Variants in SAMD4A observed in about 807,000 individuals in gnomAD.
SAMD4A encodes sterile alpha motif domain containing 4A, also known as protein Smaug homolog 1.
A neutral mutation model predicts 81.3 loss-of-function variants in SAMD4A; 33 were observed. That is an observed-to-expected ratio of 0.41 (90% confidence interval 0.31 to 0.54). SAMD4A has a LOEUF of 0.54. SAMD4A is among the 20% of genes least tolerant of loss of function. The pLI is 0.37. For missense variants in SAMD4A, 854 were observed against 951.1 expected (o/e 0.90, Z 1.34); for synonymous variants, 389 against 382.1 (o/e 1.02, Z -0.21).
intron 2 of SAMD4A, among the ~76,000 whole-genome samples, chr14:54,606,992 G>T (rs559020849): frequency 6.6e-6 from 1 of 152,368 alleles, no homozygotes; most frequent in East Asian, 1.9e-4. Context: ...TTCTCAGGGA[G>T]TGGACTCACC....
chr14:54,643,501 G>A (rs912766531), intron 2 of SAMD4A, among the ~76,000 whole-genome samples: 7 of 152,170 alleles, frequency 4.6e-5, no homozygotes, highest in Non-Finnish European at 2.9e-5. Context: ...TCCTAGGCCC[G>A]GAGATCCTCA....
intron 2 of SAMD4A, among the ~76,000 whole-genome samples, chr14:54,632,026 G>C (rs1594754617): frequency 6.6e-6 from 1 of 152,324 alleles, no homozygotes; most frequent in Non-Finnish European, 1.5e-5. Flanking sequence ...TGTACACACA[G>C]AGTCCCTGCC....
At chr14:54,656,058 ATACT>A (rs558567168) in intron 2 of SAMD4A, among the ~76,000 whole-genome samples, 33 of 152,302 alleles carry the variant, frequency 2.2e-4, no homozygotes, top group African/African-American at 7.0e-4. Flanking sequence ...ATGTTAAATA[ATACT>A]TAATATTATT....
intron 3 of SAMD4A, among the ~76,000 whole-genome samples, chr14:54,720,145 C>T (rs1361376298): frequency 6.6e-6 from 1 of 152,094 alleles, no homozygotes; most frequent in Non-Finnish European, 1.5e-5. Context: ...AATTTTAGAT[C>T]TCTGCTATCA....
chr14:54,687,988 G>A, intron 2 of SAMD4A: 3 of 985,862 alleles, frequency 3.0e-6, no homozygotes, highest in Non-Finnish European at 3.6e-6. Flanking sequence ...ATGATGAGCT[G>A]TGCCCAGTGG....
At chr14:54,580,815 T>C (rs570571067) in intron 2 of SAMD4A, among the ~76,000 whole-genome samples, 1 of 152,230 alleles carries the variant, frequency 6.6e-6, no homozygotes, top group Non-Finnish European at 1.5e-5. Flanking sequence ...ATAGTGTGTC[T>C]AGCACATAGG....
chr14:54,755,099 A>T (rs2038204212), intron 6 of SAMD4A, among the ~76,000 whole-genome samples: 1 of 152,206 alleles, frequency 6.6e-6, no homozygotes, highest in Non-Finnish European at 1.5e-5. Flanking sequence ...CGGGAAACTC[A>T]TTAGGAAACT....
At chr14:54,649,971 T>TA (rs1370515408) in intron 2 of SAMD4A, among the ~76,000 whole-genome samples, 1 of 152,174 alleles carries the variant, frequency 6.6e-6, no homozygotes, top group Non-Finnish European at 1.5e-5. Flanking sequence ...TGTTTACTTT[T>TA]AAAAAAACAA....
At chr14:54,786,017 C>T (rs1266721294) in intron 12 of SAMD4A, among the ~76,000 whole-genome samples, 1 of 152,244 alleles carries the variant, frequency 6.6e-6, no homozygotes, top group Non-Finnish European at 1.5e-5. Context: ...GCAGGAGGTG[C>T]TGCCAGCTCA....
chr14:54,612,960 T>C (rs922053867), intron 2 of SAMD4A, among the ~76,000 whole-genome samples: 8 of 151,742 alleles, frequency 5.3e-5, no homozygotes, highest in Non-Finnish European at 1.2e-4. Flanking sequence ...CTACTAAAAA[T>C]ACAAAAATTA....
intron 2 of SAMD4A, among the ~76,000 whole-genome samples, chr14:54,573,871 C>T (rs1160878189): frequency 6.6e-6 from 1 of 152,218 alleles, no homozygotes; most frequent in Non-Finnish European, 1.5e-5. Context: ...TTCAGAGTAC[C>T]TGCCTGCTTT....
At chr14:54,631,040 G>T (rs1299969305) in intron 2 of SAMD4A, among the ~76,000 whole-genome samples, 3 of 151,726 alleles carry the variant, frequency 2.0e-5, no homozygotes, top group African/African-American at 7.3e-5. Flanking sequence ...AGAGCTGATG[G>T]TGTAGTTCCA....
chr14:54,695,339 C>T (rs1392850593), intron 2 of SAMD4A, among the ~76,000 whole-genome samples: 1 of 152,216 alleles, frequency 6.6e-6, no homozygotes, highest in Non-Finnish European at 1.5e-5. Flanking sequence ...GAGCCACTTC[C>T]AAGCTCACTC....
intron 8 of SAMD4A, 142 bp downstream of exon 8, chr14:54,764,682 C>G (rs1289496435): frequency 1.7e-6 from 1 of 604,952 alleles, no homozygotes; most frequent in Admixed American, 3.1e-5. Flanking sequence ...TTGGGCAGAA[C>G]TAGGCTATGA....
At chr14:54,638,677 C>G (rs558665584) in intron 2 of SAMD4A, among the ~76,000 whole-genome samples, 1 of 152,282 alleles carries the variant, frequency 6.6e-6, no homozygotes, top group African/African-American at 2.4e-5. Context: ...AGAGACATTT[C>G]TCTAGGAGAT....
intron 2 of SAMD4A, among the ~76,000 whole-genome samples, chr14:54,593,055 A>G (rs2033821969): frequency 6.6e-6 from 1 of 152,246 alleles, no homozygotes; most frequent in South Asian, 2.1e-4. Flanking sequence ...GAATGATATA[A>G]TAAACCCCTA....
intron 3 of SAMD4A, among the ~76,000 whole-genome samples, chr14:54,706,887 C>A (rs73271600): frequency 0.027 from 4,094 of 152,088 alleles, 180 homozygotes; most frequent in African/African-American, 0.094. Flanking sequence ...AGCATTGACA[C>A]CCTAGGCATA....
chr14:54,723,694 G>A (rs2037320213), intron 3 of SAMD4A, among the ~76,000 whole-genome samples: 2 of 152,084 alleles, frequency 1.3e-5, no homozygotes, highest in Non-Finnish European at 2.9e-5. Flanking sequence ...AATGATAGAA[G>A]GTGATGGCTT....
chr14:54,566,644 G>A (rs909829840), upstream of SAMD4A, among the ~76,000 whole-genome samples: 5 of 151,742 alleles, frequency 3.3e-5, no homozygotes, highest in African/African-American at 1.2e-4. Context: ...CCCTCGCGGG[G>A]CGTGTGCCCA....
Sources: allele counts gnomAD v4.1 joint callset (sites outside exome capture counted in the v4.1 genomes callset), GRCh38; gene constraint gnomAD v4.1.1; transcripts MANE v1.5; gene names NCBI Gene and HGNC (gene_info 2026-07-23, HGNC 2026-07-21).